GRIN2A: variants seen among roughly 807,000 people sequenced by gnomAD.
The protein encoded by GRIN2A is glutamate ionotropic receptor NMDA type subunit 2A, also known as glutamate receptor ionotropic, NMDA 2A.
A neutral mutation model predicts 113.4 loss-of-function variants in GRIN2A; 22 were observed. That is an observed-to-expected ratio of 0.19 (90% CI 0.14 to 0.28). The LOEUF is 0.28. GRIN2A is among the 10% of genes least tolerant of loss of function. The pLI is 1.00. For missense variants in GRIN2A, 1,502 were observed against 1,887.0 expected (o/e 0.80, Z 3.78); for synonymous variants, 827 against 738.4 (o/e 1.12, Z -1.94).
intron 4 of GRIN2A, among the ~76,000 whole-genome samples, chr16:9,880,574 C>G (rs180681828): frequency 9.9e-5 from 15 of 152,276 alleles, no homozygotes; most frequent in African/African-American, 3.6e-4. Context: ...GACAGCTCAT[C>G]ATGTCACATA....
At chr16:9,851,907 A>G (rs1280231643) in intron 4 of GRIN2A, among the ~76,000 whole-genome samples, 2 of 152,232 alleles carry the variant, frequency 1.3e-5, no homozygotes, top group Non-Finnish European at 2.9e-5. Context: ...GGTGGCTGCT[A>G]TTATTTTACT....
chr16:10,034,424 C>G (rs556343891), intron 2 of GRIN2A, among the ~76,000 whole-genome samples: 1 of 149,942 alleles, frequency 6.7e-6, no homozygotes, highest in Admixed American at 6.7e-5. Flanking sequence ...ACTCGGGAGG[C>G]TGAGGCAGGA....
intron 3 of GRIN2A, among the ~76,000 whole-genome samples, chr16:9,892,026 C>T (rs535683256): frequency 2.3e-4 from 35 of 152,096 alleles, no homozygotes; most frequent in East Asian, 7.7e-4. Flanking sequence ...GTCAGGAGTT[C>T]GAGACCAGCC....
At chr16:9,861,311 A>G (rs542202545) in intron 4 of GRIN2A, among the ~76,000 whole-genome samples, 2 of 152,332 alleles carry the variant, frequency 1.3e-5, no homozygotes, top group South Asian at 4.1e-4. Flanking sequence ...ACGGGAGACC[A>G]ATTTCTCTCC....
rs762551537 is a variant in GRIN2A at position 9,840,825 on chromosome 16, AAAAAAAAAG to A, written c.1498-34_1498-26del. ...CCTGGATGCAAGGCAAAAAAAAAAA[AAAAAAAAAG>A]AGAGAGAGAGAACAACAGTACTTTA... On this transcript the variant is annotated intron_variant, in intron 6 of 12. Transcript: ENST00000330684. 7.7e-5 allele frequency: 123 copies of A among 1,601,452 alleles called. No individual in the cohort carries two copies. The South Asian group carries it at 8.5e-4, about 11-fold the overall frequency.
At chr16:10,098,399 A>T (rs55690106) in intron 2 of GRIN2A, among the ~76,000 whole-genome samples, 29,053 of 152,220 alleles carry the variant, frequency 0.19, 3,216 homozygotes, top group African/African-American at 0.3. Flanking sequence ...GTGTGGAGAT[A>T]GCTTAAATAA....
chr16:9,996,286 C>T (rs2046222686), intron 2 of GRIN2A, among the ~76,000 whole-genome samples: 1 of 152,258 alleles, frequency 6.6e-6, no homozygotes, highest in Middle Eastern at 3.4e-3. Flanking sequence ...TTTCACCTTC[C>T]AGAGGGAGCA....
intron 3 of GRIN2A, among the ~76,000 whole-genome samples, chr16:9,911,071 G>A (rs576970498): frequency 2.6e-5 from 4 of 151,882 alleles, no homozygotes; most frequent in Non-Finnish European, 4.4e-5. Context: ...ATAGTCCCCA[G>A]AATTATCCAA....
chr16:9,871,423 C>T (rs1289614185), intron 4 of GRIN2A, among the ~76,000 whole-genome samples: 1 of 144,094 alleles, frequency 6.9e-6, no homozygotes, highest in Admixed American at 6.9e-5. Context: ...TAGAAATCCA[C>T]TGAAAATGAA....
chr16:9,788,396 T>G (rs919279896), intron 11 of GRIN2A, among the ~76,000 whole-genome samples: 5 of 151,950 alleles, frequency 3.3e-5, no homozygotes, highest in African/African-American at 1.2e-4. Flanking sequence ...TAGCTGGGAT[T>G]ATAGGTACCT....
intron 8 of GRIN2A, among the ~76,000 whole-genome samples, chr16:9,832,086 TTTTATTTATTTATTTATTTATTTA>T (rs35044218): frequency 2.2e-5 from 3 of 135,656 alleles, no homozygotes; most frequent in East Asian, 4.3e-4. Flanking sequence ...GCCAGGCTTA[TTTTATTTATTTATTTATTTATTTA>T]TTTATTTATT....
chr16:10,031,062 G>C (rs2046919676), intron 2 of GRIN2A, among the ~76,000 whole-genome samples: 1 of 152,206 alleles, frequency 6.6e-6, no homozygotes, highest in African/African-American at 2.4e-5. Context: ...GTGGGGGCCA[G>C]AATTTGAGAA....
rs1232973659 is a variant in GRIN2A, at chr16:9,758,018, T to C, written c.*5131A>G. 4.6e-6 allele frequency: 1 copy of C among 215,652 alleles called. No individual in the cohort carries two copies. The highest frequency in any genetic ancestry group is 9.4e-6 in the Non-Finnish European group (1 of 106,930). 13.4% of individuals were successfully genotyped at this position (215,652 alleles called of 1,614,324 possible). On this transcript the variant is annotated 3_prime_UTR_variant, in exon 13 of 13. Transcript: ENST00000330684. ...GAGAATCGAGCCAGAAATTGAACCA[T>C]GTCTTGGATCTAATCCTCGCTCTGA...
In GRIN2A at chr16:10,180,308, T is replaced by C; in HGVS notation, c.104A>G (p.Asn35Ser). The change falls in exon 2 of 13, where the codon AAT becomes AGT. Residue 35 changes from asparagine (N) to serine (S), a missense_variant. By Grantham distance (46) the Asn-to-Ser change is conservative (BLOSUM62 1). Around this residue, in one of 7 missense-constraint regions of GRIN2A, gnomAD observed 149 missense variants for 179.1 expected, o/e 0.83. Transcript: ENST00000330684. The surrounding 1 kb of genome is among the most constrained non-coding windows in gnomAD (Gnocchi z 7.0). Reference sequence around the variant, plus strand: ...GCTGTGACCCAGCATCACCGCAATATTTAGCGCGGGGGGACCCTTCTCCGC... The same window carrying C: ...GCTGTGACCCAGCATCACCGCAATACTTAGCGCGGGGGGACCCTTCTCCGC... ...AAAEKGPPAL[N>S]IAVMLGHSHD... The C allele has an allele frequency of 1.9e-6, 3 of 1,611,846 alleles. No homozygotes were observed. The highest frequency in any genetic ancestry group is 1.7e-6 in the Non-Finnish European group (2 of 1,179,942).
intron 2 of GRIN2A, among the ~76,000 whole-genome samples, chr16:10,102,082 G>A (rs1463320715): frequency 6.6e-6 from 1 of 152,214 alleles, no homozygotes; most frequent in Non-Finnish European, 1.5e-5. Flanking sequence ...CGAACTCCTA[G>A]ACATTGGTGC....
intron 2 of GRIN2A, among the ~76,000 whole-genome samples, chr16:10,044,024 G>T (rs12926594): frequency 0.28 from 35,021 of 125,200 alleles, 4,956 homozygotes; most frequent in Non-Finnish European, 0.33. Flanking sequence ...TATATATATA[G>T]AGAGAGAGAG....
At chr16:10,064,270 A>G (rs1003605335) in intron 2 of GRIN2A, among the ~76,000 whole-genome samples, 1 of 152,138 alleles carries the variant, frequency 6.6e-6, no homozygotes, top group African/African-American at 2.4e-5. Context: ...GCCCTGCATC[A>G]ACAGGTACTT....
chr16:10,155,560 G>A (rs557271443), intron 2 of GRIN2A, among the ~76,000 whole-genome samples: 2 of 152,272 alleles, frequency 1.3e-5, no homozygotes, highest in Admixed American at 6.5e-5. Flanking sequence ...TGATTATAAT[G>A]TTTGGTATAA....
chr16:9,902,958 T>TG (rs2043957460), intron 3 of GRIN2A, among the ~76,000 whole-genome samples: 2 of 35,758 alleles, frequency 5.6e-5, no homozygotes, highest in African/African-American at 1.6e-4. Context: ...TTTTTTTTTT[T>TG]TGGCGGGGGG....
Sources: gnomAD v4.1 joint callset for allele counts (sites outside exome capture counted in the v4.1 genomes callset) on GRCh38, gnomAD v4.1.1 for gene constraint, gnomAD v4.1.1 regional missense constraint, Gnocchi (gnomAD v3.1) non-coding constraint, MANE v1.5 for transcripts, NCBI Gene and HGNC (gene_info 2026-07-23, HGNC 2026-07-21) for gene names.